DDX21: variants seen among roughly 807,000 people sequenced by gnomAD.
The protein encoded by DDX21 is DExD-box helicase 21, also known as nucleolar RNA helicase 2.
Under a neutral mutation model 90.0 loss-of-function variants are expected in DDX21, and 18 were observed. That is an observed-to-expected ratio of 0.20 (90% CI 0.14 to 0.30). DDX21 has a LOEUF of 0.30. DDX21 is among the 10% of genes least tolerant of loss of function. DDX21 has a pLI of 1.00. For synonymous variants in DDX21, 294 were observed against 318.0 expected (o/e 0.92, Z 0.80); for missense variants, 673 against 944.5 (o/e 0.71, Z 3.77).
chr10:68,956,696 A>T, intron 1 of DDX21: 2 of 1,052,014 alleles, frequency 1.9e-6, no homozygotes, highest in Non-Finnish European at 2.3e-6. Context: ...TTGTTGGCTA[A>T]GACAGAACTC....
Position 68,963,347 on chromosome 10 carries a change from A to G in DDX21, c.664A>G (p.Ser222Gly), listed in dbSNP as rs1842897551. The G allele has an allele frequency of 6.2e-7, 1 of 1,614,172 alleles. No individual in the cohort carries two copies. Residue 222 changes from serine to glycine, a missense_variant, in exon 4 of 15, where the codon AGC becomes GGC. Coordinates refer to ENST00000354185, the MANE Select transcript of DDX21 (RefSeq NM_004728.4). ...AGCAAAGACATTCCATCATGTTTAC[A>G]GCGGGAAGGACTTAATTGCACAGGC... The part of the protein sequence containing the change: ...IQAKTFHHVY[S>G]GKDLIAQART...
chr10:68,959,673 C>G, intron 1 of DDX21, 133 bp from the exon 2 acceptor site: 1 of 699,408 alleles, frequency 1.4e-6, no homozygotes, highest in Non-Finnish European at 2.2e-6. Context: ...CATGAAAGTA[C>G]AAATGTCGAA....
At chr10:68,963,530 G>C in intron 4 of DDX21, 61 bp downstream of exon 4, 1 of 1,492,666 alleles carries the variant, frequency 6.7e-7, no homozygotes, top group Non-Finnish European at 9.0e-7. Flanking sequence ...CTTGGGCATT[G>C]TGTACATACC....
chr10:68,972,194 G>C, intron 9 of DDX21, 142 bp downstream of exon 9: 1 of 971,162 alleles, frequency 1.0e-6, no homozygotes. Flanking sequence ...TTTTGAGAAT[G>C]AACCTGTTAT....
intron 6 of DDX21, 57 bp from the exon 7 acceptor site, chr10:68,968,919 A>G (rs1842980606): frequency 6.3e-7 from 1 of 1,580,940 alleles, no homozygotes; most frequent in African/African-American, 1.4e-5. Flanking sequence ...TAGGTGGAAT[A>G]CTATGTAGGC....
intron 3 of DDX21, 89 bp from the exon 4 acceptor site, chr10:68,963,202 C>A: frequency 7.5e-7 from 1 of 1,325,610 alleles, no homozygotes; most frequent in South Asian, 1.5e-5. Flanking sequence ...TCTGCAGGAC[C>A]AGAAGCATGA....
chr10:68,967,451 G>C (rs1419189061), intron 6 of DDX21, among the ~76,000 whole-genome samples: 7 of 152,038 alleles, frequency 4.6e-5, no homozygotes, highest in Non-Finnish European at 2.9e-5. Context: ...TTAGAGGCAT[G>C]AGCCACTGCG....
chr10:68,974,240 C>T (rs1050085985), intron 10 of DDX21, among the ~76,000 whole-genome samples: 7 of 152,148 alleles, frequency 4.6e-5, no homozygotes, highest in Non-Finnish European at 1.0e-4. Context: ...GGTGGTAAGG[C>T]GAGCATTCAC....
chr10:68,970,500 T>TTC, intron 8 of DDX21, 150 bp downstream of exon 8: 1 of 858,838 alleles, frequency 1.2e-6, no homozygotes, highest in Non-Finnish European at 1.7e-6. Flanking sequence ...TTTTTTTTTT[T>TTC]TTTAATTGAG....
At chr10:68,975,508 G>A (rs1843086143) in intron 11 of DDX21, among the ~76,000 whole-genome samples, 1 of 152,200 alleles carries the variant, frequency 6.6e-6, no homozygotes, top group Admixed American at 6.5e-5. Flanking sequence ...GAACCACTGA[G>A]TTTGGGCATC....
chr10:68,980,291 A>G (rs1221255359), intron 13 of DDX21, among the ~76,000 whole-genome samples: 1 of 152,124 alleles, frequency 6.6e-6, no homozygotes, highest in Non-Finnish European at 1.5e-5. Flanking sequence ...AGTAGCTTTT[A>G]TGACTTTGCT....
intron 8 of DDX21, 105 bp from the exon 9 acceptor site, chr10:68,971,786 G>A (rs1843031336): frequency 6.4e-6 from 7 of 1,098,944 alleles, no homozygotes; most frequent in Non-Finnish European, 9.3e-6. Context: ...TTTTCAACAG[G>A]CATGTCACCA....
chr10:68,979,751 T>C (rs184173569), intron 13 of DDX21, among the ~76,000 whole-genome samples: 98 of 152,330 alleles, frequency 6.4e-4, no homozygotes, highest in Non-Finnish European at 1.1e-3. Flanking sequence ...CATGTTGTTA[T>C]CTCCTTAAGC....
At position 68,963,763 on chromosome 10, in the gene DDX21, C is replaced by T. The variant is rs367645070; in HGVS notation, c.786+294C>T. Among the ~76,000 whole-genome samples, 427 of 152,118 alleles carry T rather than the reference C, an allele frequency of 2.8e-3. 1 individual carries two copies. The highest frequency in any genetic ancestry group is 0.013 in the South Asian group (65 of 4,824). On this transcript the variant is annotated intron_variant, in intron 4 of 14. Coordinates refer to ENST00000354185, the MANE Select transcript of DDX21 (RefSeq NM_004728.4). The stretch of plus-strand genomic sequence containing the variant: ...AGATGTCCCTGGGGCTCATAGCTTT[C>T]GTCAAGTGTCTGACCATTTTTGCCT...
intron 4 of DDX21, chr10:68,964,150 C>T (rs748648477): frequency 1.7e-5 from 7 of 407,718 alleles, no homozygotes; most frequent in Admixed American, 3.1e-5. Context: ...AAGGGCAAGT[C>T]AGAGGTGAAA....
At chr10:68,980,135 G>A (rs1843164639) in intron 13 of DDX21, among the ~76,000 whole-genome samples, 2 of 152,162 alleles carry the variant, frequency 1.3e-5, no homozygotes. Context: ...AGCTACTCAG[G>A]AGGCTGAGGC....
intron 6 of DDX21, among the ~76,000 whole-genome samples, chr10:68,968,258 C>G (rs1377379404): frequency 1.3e-5 from 2 of 151,032 alleles, no homozygotes; most frequent in African/African-American, 4.9e-5. Context: ...CATCCCTAAA[C>G]TCCTGGGCCT....
intron 9 of DDX21, among the ~76,000 whole-genome samples, chr10:68,973,274 G>T (rs1305694884): frequency 6.6e-6 from 1 of 152,134 alleles, no homozygotes; most frequent in Non-Finnish European, 1.5e-5. Flanking sequence ...CTGTCTACTG[G>T]AAGACTGAAA....
intron 9 of DDX21, among the ~76,000 whole-genome samples, chr10:68,972,638 T>C (rs529169223): frequency 2.4e-4 from 36 of 152,294 alleles, no homozygotes; most frequent in African/African-American, 8.7e-4. Flanking sequence ...ATTCACCAAT[T>C]CTTAAAAAGG....
Sources: gnomAD v4.1 joint callset for allele counts (sites outside exome capture counted in the v4.1 genomes callset) on GRCh38, gnomAD v4.1.1 for gene constraint, MANE v1.5 for transcripts, NCBI Gene and HGNC (gene_info 2026-07-23, HGNC 2026-07-21) for gene names.